FARS2: variants seen among roughly 807,000 people sequenced by gnomAD.
The protein encoded by FARS2 is phenylalanine--tRNA ligase, mitochondrial.
FARS2 carries 40 observed loss-of-function variants against 46.4 expected under a neutral mutation model. The ratio of observed to expected loss-of-function variants is 0.86; its 90% CI spans 0.67 to 1.12. FARS2 has a LOEUF of 1.12. FARS2 is among the 50% of genes most tolerant of loss of function. FARS2 has a pLI of 0.00. For missense variants in FARS2, 513 were observed against 567.9 expected, an observed-to-expected ratio of 0.90 and a Z score of 0.98; for synonymous variants, 234 against 214.9, an observed-to-expected ratio of 1.09 and a Z score of -0.78.
chr6:5,319,433 CT>C (rs1769808457), intron 1 of FARS2, among the ~76,000 whole-genome samples: 1 of 152,214 alleles, frequency 6.6e-6, no homozygotes, highest in South Asian at 2.1e-4. Context: ...CATGTGGCCC[CT>C]CCCAAGTGCC....
chr6:5,549,901 A>G (rs1478830848), intron 5 of FARS2, among the ~76,000 whole-genome samples: 1 of 152,114 alleles, frequency 6.6e-6, no homozygotes, highest in Non-Finnish European at 1.5e-5. Flanking sequence ...ACCCATTGCA[A>G]AATCAACTCA....
chr6:5,290,276 G>A (rs757748911), intron 1 of FARS2, among the ~76,000 whole-genome samples: 17 of 152,146 alleles, frequency 1.1e-4, no homozygotes, highest in Admixed American at 6.5e-4. Context: ...GACAACTCAT[G>A]CTTCCTGATA....
intron 2 of FARS2, among the ~76,000 whole-genome samples, chr6:5,371,545 TG>T: frequency 6.6e-6 from 1 of 152,274 alleles, no homozygotes; most frequent in South Asian, 2.1e-4. Context: ...AAAAATCTTT[TG>T]TATTTTGAAA....
chr6:5,286,649 AGT>A (rs1238459158), intron 1 of FARS2, among the ~76,000 whole-genome samples: 1 of 152,168 alleles, frequency 6.6e-6, no homozygotes, highest in Non-Finnish European at 1.5e-5. Flanking sequence ...TATGTGTATG[AGT>A]GTGTGTGTAT....
At chr6:5,387,732 C>G (rs567348643) in intron 2 of FARS2, among the ~76,000 whole-genome samples, 1 of 152,248 alleles carries the variant, frequency 6.6e-6, no homozygotes, top group South Asian at 2.1e-4. Context: ...TGATGTTATC[C>G]TTCTAGAGCT....
intron 4 of FARS2, among the ~76,000 whole-genome samples, chr6:5,541,111 T>C (rs1473824321): frequency 6.6e-6 from 1 of 152,178 alleles, no homozygotes; most frequent in Non-Finnish European, 1.5e-5. Context: ...ACTTTGTGGG[T>C]TTAAATATAT....
Position 5,351,449 on chromosome 6 carries a change from T to A in FARS2, c.-21-17101T>A, listed in dbSNP as rs114312975. On this transcript the variant is annotated intron_variant, in intron 1 of 6. Transcript: ENST00000274680. ...CTGAAATTTAGCAAGCCCAGGAAAA[T>A]CAGTCTCCAAAACACGTATTTGTGA... Among the ~76,000 whole-genome samples the A allele has an allele frequency of 6.6e-3, 998 of 152,316 alleles. 13 individuals carry two copies. The highest frequency in any genetic ancestry group is 0.023 in the African/African-American group (962 of 41,564).
At chr6:5,278,920 G>T (rs553725068) in intron 1 of FARS2, among the ~76,000 whole-genome samples, 1 of 152,232 alleles carries the variant, frequency 6.6e-6, no homozygotes, top group Middle Eastern at 3.2e-3. Context: ...GAGGCCTTGA[G>T]TGCACAACAA....
At chr6:5,305,629 C>A (rs1322303167) in intron 1 of FARS2, among the ~76,000 whole-genome samples, 1 of 152,220 alleles carries the variant, frequency 6.6e-6, no homozygotes, top group African/African-American at 2.4e-5. Context: ...CAAATAGCTT[C>A]CCCACGATCA....
chr6:5,549,537 T>C (rs188542910), intron 5 of FARS2, among the ~76,000 whole-genome samples: 11 of 152,312 alleles, frequency 7.2e-5, no homozygotes, highest in African/African-American at 2.4e-4. Context: ...CTCTCCTTCA[T>C]CTTTTGTCAC....
chr6:5,526,859 C>T (rs796254870), intron 4 of FARS2, among the ~76,000 whole-genome samples: 47 of 152,148 alleles, frequency 3.1e-4, no homozygotes, highest in African/African-American at 9.9e-4. Flanking sequence ...TCAGATGATC[C>T]GCCCGCCTCA....
At chr6:5,637,349 C>T (rs1466280122) in intron 6 of FARS2, among the ~76,000 whole-genome samples, 1 of 152,246 alleles carries the variant, frequency 6.6e-6, no homozygotes, top group Non-Finnish European at 1.5e-5. Flanking sequence ...ATCACAGGCT[C>T]TAGCACCATG....
chr6:5,672,110 G>A (rs184163293), intron 6 of FARS2, among the ~76,000 whole-genome samples: 2 of 152,334 alleles, frequency 1.3e-5, no homozygotes, highest in East Asian at 1.9e-4. Context: ...GTCGGTAGCC[G>A]TGGGAACAGC....
At chr6:5,437,603 C>T (rs1044426141) in intron 4 of FARS2, among the ~76,000 whole-genome samples, 2 of 151,978 alleles carry the variant, frequency 1.3e-5, no homozygotes, top group African/African-American at 4.8e-5. Flanking sequence ...AAATGTCTTT[C>T]TTTATCTCTG....
chr6:5,386,130 T>C (rs1027791643), intron 2 of FARS2, among the ~76,000 whole-genome samples: 3 of 152,204 alleles, frequency 2.0e-5, no homozygotes, highest in African/African-American at 7.2e-5. Context: ...GGGAGAGCTC[T>C]ATTCCTGGGG....
intron 1 of FARS2, among the ~76,000 whole-genome samples, chr6:5,353,726 GTTTTTTT>G (rs55998904): frequency 7.4e-5 from 3 of 40,362 alleles, no homozygotes; most frequent in African/African-American, 9.7e-5. Context: ...AATATTTGGT[GTTTTTTT>G]TTTTTTTTTT....
Position 5,311,458 on chromosome 6 carries a change from C to T in FARS2, c.-22+49798C>T, listed in dbSNP as rs1215981605. On this transcript the variant is annotated intron_variant, in intron 1 of 6. Coordinates refer to ENST00000274680, the MANE Select transcript of FARS2 (RefSeq NM_006567.5). The surrounding 1 kb of genome is among the most constrained non-coding windows in gnomAD (Gnocchi z 4.1). ...GTTTTATTATTCTCATTATTTTTAA[C>T]TCAACAGTTATCTGAGTATGATGTT... Among the ~76,000 whole-genome samples the T allele has an allele frequency of 6.6e-6, 1 of 152,134 alleles. No individual in the cohort carries two copies. The highest frequency in any genetic ancestry group is 1.5e-5 in the Non-Finnish European group (1 of 68,022).
chr6:5,398,899 A>G (rs1408812974), intron 2 of FARS2, among the ~76,000 whole-genome samples: 1 of 152,132 alleles, frequency 6.6e-6, no homozygotes, highest in Non-Finnish European at 1.5e-5. Context: ...AATTGTTAAC[A>G]CATACCTCTG....
In FARS2 at chr6:5,311,978, A is replaced by C. The variant is rs897065439; in HGVS notation, c.-22+50318A>C. On this transcript the variant is annotated intron_variant, in intron 1 of 6. Transcript: ENST00000274680. The surrounding 1 kb of genome is among the most constrained non-coding windows in gnomAD (Gnocchi z 4.1). ...TAAATAACTTTCCGTGCATCGTAGAATCTTCGGTGTGTTGAAGGGTTTTAT... is the reference window on the plus strand; with the variant it reads ...TAAATAACTTTCCGTGCATCGTAGACTCTTCGGTGTGTTGAAGGGTTTTAT... Among the ~76,000 whole-genome samples the C allele has an allele frequency of 2.0e-5, 3 of 152,206 alleles. No individual in the cohort carries two copies. Among genetic ancestry groups the C allele is most frequent in the Non-Finnish European group, 4.4e-5 (3 of 68,042 alleles).
Sources: allele counts gnomAD v4.1 joint callset (sites outside exome capture counted in the v4.1 genomes callset), GRCh38; gene constraint gnomAD v4.1.1; non-coding constraint Gnocchi (gnomAD v3.1); transcripts MANE v1.5; gene names NCBI Gene and HGNC (gene_info 2026-07-23, HGNC 2026-07-21).